The following SHISA9 variants were observed in gnomAD, a reference collection of about 807,000 sequenced individuals.
The protein encoded by SHISA9 is protein shisa-9.
SHISA9 carries 13 observed loss-of-function variants against 38.0 expected under a neutral mutation model. That is an observed-to-expected ratio of 0.34 (90% CI 0.22 to 0.54). SHISA9 has a LOEUF of 0.54. Among genes scored for constraint, SHISA9 ranks in the 20% least tolerant of loss-of-function variants. SHISA9 has a pLI of 0.91. For missense variants in SHISA9, 538 were observed against 575.8 expected (o/e 0.93, Z 0.67); for synonymous variants, 275 against 242.0 (o/e 1.14, Z -1.27).
At chr16:12,934,321 A>C (rs571694800) in intron 2 of SHISA9, among the ~76,000 whole-genome samples, 1 of 152,302 alleles carries the variant, frequency 6.6e-6, no homozygotes, top group African/African-American at 2.4e-5. Flanking sequence ...CTGACCATCC[A>C]ATAATGCTTC....
chr16:13,041,738 G>C (rs527527898), intron 2 of SHISA9, among the ~76,000 whole-genome samples: 1 of 152,052 alleles, frequency 6.6e-6, no homozygotes, highest in African/African-American at 2.4e-5. Flanking sequence ...TCAAACTGTA[G>C]GGTACATGAG....
At chr16:13,440,984 C>T in the SHISA9 span, among the ~76,000 whole-genome samples, 2 of 151,334 alleles carry the variant, frequency 1.3e-5, no homozygotes, top group Admixed American at 1.3e-4. Context: ...ATCTGGGAGT[C>T]GAGAAAATTA....
At chr16:13,386,978 T>G in the SHISA9 span, among the ~76,000 whole-genome samples, 1 of 152,332 alleles carries the variant, frequency 6.6e-6, no homozygotes, top group Admixed American at 6.5e-5. Context: ...TGAATACGGC[T>G]TTAACACTTT....
At chr16:13,519,913 C>G in the SHISA9 span, among the ~76,000 whole-genome samples, 3 of 152,132 alleles carry the variant, frequency 2.0e-5, no homozygotes, top group Admixed American at 2.0e-4. Flanking sequence ...AACTACAATT[C>G]CAGATGAGAT....
At chr16:12,963,756 A>G (rs1399981593) in intron 2 of SHISA9, among the ~76,000 whole-genome samples, 4 of 152,144 alleles carry the variant, frequency 2.6e-5, no homozygotes, top group Non-Finnish European at 4.4e-5. Flanking sequence ...TCTCCAGTCT[A>G]GGTTTCACAA....
chr16:13,307,642 G>T, the SHISA9 span, among the ~76,000 whole-genome samples: 193 of 152,268 alleles, frequency 1.3e-3, no homozygotes, highest in African/African-American at 4.0e-3. Flanking sequence ...CAAAACCTGC[G>T]TGAAGTACAG....
chr16:13,533,584 C>T, the SHISA9 span, among the ~76,000 whole-genome samples: 3 of 151,846 alleles, frequency 2.0e-5, no homozygotes, highest in Non-Finnish European at 4.4e-5. Context: ...AATACACAAG[C>T]CTCTGTGGGG....
At chr16:13,296,098 G>C in the SHISA9 span, among the ~76,000 whole-genome samples, 1 of 152,034 alleles carries the variant, frequency 6.6e-6, no homozygotes, top group Admixed American at 6.5e-5. Context: ...TAGCCTACTT[G>C]TTGTTGTGGT....
At chr16:12,969,747 C>T (rs984362909) in intron 2 of SHISA9, among the ~76,000 whole-genome samples, 2 of 152,094 alleles carry the variant, frequency 1.3e-5, no homozygotes, top group Admixed American at 1.3e-4. Context: ...ACTCTATCCC[C>T]ACGCCCTCCC....
At chr16:13,498,075 A>T in the SHISA9 span, among the ~76,000 whole-genome samples, 3 of 152,174 alleles carry the variant, frequency 2.0e-5, no homozygotes, top group African/African-American at 4.8e-5. Context: ...ACAACAAATT[A>T]AAAAAATCAG....
chr16:13,309,585 G>A, the SHISA9 span, among the ~76,000 whole-genome samples: 1 of 148,572 alleles, frequency 6.7e-6, no homozygotes, highest in African/African-American at 2.5e-5. Flanking sequence ...GGAGGTTGCA[G>A]TGAGCCGAGA....
rs376814163 is a variant in SHISA9 at position 12,983,873 on chromosome 16, C to T, written c.691+67058C>T. ...TTCTCAGTTAGAGTCCTCTTTAGCT[C>T]AGGCTACTTTGAGGGGTTTCTGTTT... On this transcript the variant is annotated intron_variant, in intron 2 of 4. Transcript: ENST00000558583. 2.2e-4 allele frequency among the ~76,000 whole-genome samples: 34 copies of T among 152,322 alleles called. No individual in the cohort carries two copies. The East Asian group carries it at 6.0e-3, about 27-fold the overall frequency.
chr16:12,970,670 C>A (rs1005211492), intron 2 of SHISA9, among the ~76,000 whole-genome samples: 1 of 149,446 alleles, frequency 6.7e-6, no homozygotes, highest in Admixed American at 6.8e-5. Flanking sequence ...ACCACCACAC[C>A]GGCTATTTTT....
the SHISA9 span, among the ~76,000 whole-genome samples, chr16:13,475,966 A>G: frequency 0.39 from 59,160 of 151,988 alleles, 11,941 homozygotes; most frequent in African/African-American, 0.5. Flanking sequence ...TATGGGGAGC[A>G]GCTGTAAATA....
the SHISA9 span, among the ~76,000 whole-genome samples, chr16:13,447,540 A>G: frequency 6.6e-6 from 1 of 152,214 alleles, no homozygotes; most frequent in African/African-American, 2.4e-5. Context: ...CAGATGCTGC[A>G]CATGTGGGCA....
At chr16:13,389,300 C>G in the SHISA9 span, among the ~76,000 whole-genome samples, 1 of 152,188 alleles carries the variant, frequency 6.6e-6, no homozygotes, top group Admixed American at 6.5e-5. Flanking sequence ...CCAGAATTGT[C>G]ATTGAGTTGG....
chr16:13,383,907 G>A, the SHISA9 span, among the ~76,000 whole-genome samples: 7 of 152,046 alleles, frequency 4.6e-5, no homozygotes, highest in African/African-American at 7.2e-5. Context: ...CACCTGCCTC[G>A]GCCTCCCAAA....
chr16:12,971,070 A>G (rs2072074907), intron 2 of SHISA9, among the ~76,000 whole-genome samples: 1 of 152,322 alleles, frequency 6.6e-6, no homozygotes, highest in South Asian at 2.1e-4. Context: ...AAATCTCGAA[A>G]GACACCCACC....
chr16:13,067,812 C>T (rs991354669), intron 2 of SHISA9, among the ~76,000 whole-genome samples: 29 of 152,310 alleles, frequency 1.9e-4, no homozygotes, highest in East Asian at 5.8e-4. Context: ...TAGGCCTTTG[C>T]GCCATTTAGA....
Sources: allele counts gnomAD v4.1 joint callset (sites outside exome capture counted in the v4.1 genomes callset), GRCh38; gene constraint gnomAD v4.1.1; transcripts MANE v1.5; gene names NCBI Gene and HGNC (gene_info 2026-07-23, HGNC 2026-07-21).